The following STAT2 variants were observed in gnomAD, a reference collection of about 807,000 sequenced individuals.
The protein encoded by STAT2 is signal transducer and activator of transcription 2, also known as interferon alpha induced transcriptional activator.
STAT2 carries 51 observed loss-of-function variants against 122.3 expected under a neutral mutation model. The ratio of observed to expected loss-of-function variants is 0.42; its 90% CI spans 0.33 to 0.53. The LOEUF is 0.53. STAT2 is among the 20% of genes least tolerant of loss of function. The pLI is 0.10. For synonymous variants in STAT2, 351 were observed against 394.9 expected, an observed-to-expected ratio of 0.89 and a Z score of 1.32; for missense variants, 736 against 1,010.3, an observed-to-expected ratio of 0.73 and a Z score of 3.68.
At chr12:56,355,173 T>A in intron 6 of STAT2, 103 bp downstream of exon 6, 1 of 1,352,870 alleles carries the variant, frequency 7.4e-7, no homozygotes, top group Non-Finnish European at 1.0e-6. Flanking sequence ...GTGGGGTGTG[T>A]CTGACAGTGA....
rs576697003 is a variant in STAT2, at chr12:56,345,720, C to T, written c.2102+426G>A. ...CCTGTATTGCTTGAGCTCAGGAGGT[C>T]GAGGCTGCAGTGAGCCAGGATCACA... On this transcript the variant is annotated intron_variant, in intron 22 of 23. Transcript: ENST00000314128. Among the ~76,000 whole-genome samples, 18 of 147,006 alleles carry T rather than the reference C, an allele frequency of 1.2e-4. No homozygotes were observed. The South Asian group carries it at 3.2e-3, about 26-fold the overall frequency.
chr12:56,348,465 CAG>C (rs1565650925), intron 19 of STAT2, 62 bp downstream of exon 19: 13 of 1,535,328 alleles, frequency 8.5e-6, no homozygotes, highest in Non-Finnish European at 1.2e-5. Flanking sequence ...CGTGAGGGTG[CAG>C]AGACTCCACT....
intron 21 of STAT2, 62 bp from the exon 22 acceptor site, chr12:56,346,265 C>T: frequency 6.2e-7 from 1 of 1,601,484 alleles, no homozygotes; most frequent in Non-Finnish European, 8.6e-7. Context: ...GCCTGAGGTT[C>T]CCCTAGTGCA....
At chr12:56,353,540 C>T (rs1270447632) in intron 8 of STAT2, among the ~76,000 whole-genome samples, 1 of 152,020 alleles carries the variant, frequency 6.6e-6, no homozygotes, top group Admixed American at 6.6e-5. Context: ...GATTTTTCTA[C>T]AACACAATAT....
chr12:56,346,665 G>C, intron 20 of STAT2, 41 bp from the exon 21 acceptor site: 1 of 1,610,600 alleles, frequency 6.2e-7, no homozygotes, highest in Admixed American at 1.7e-5. Flanking sequence ...TGAGGGAAGA[G>C]GCCGGGCCTT....
chr12:56,341,933 A>G lies in STAT2; in HGVS notation c.*1456T>C, dbSNP rs1345542055. 1 of 152,234 alleles carries G rather than the reference A, an allele frequency of 6.6e-6. No homozygotes were observed. Among genetic ancestry groups the G allele is most frequent in the East Asian group, 1.9e-4 (1 of 5,196 alleles). The allele number at this position is 152,234 out of a possible 1,614,324, so 9.4% of individuals were successfully genotyped here. The stretch of plus-strand genomic sequence containing the variant: ...TGTACAAAAAAGGGAGGATGATAAC[A>G]TAATAGAGAAAGAGCTAAGACCCAT... On this transcript the variant is annotated 3_prime_UTR_variant, in exon 24 of 24. Transcript: ENST00000314128.
Position 56,358,587 on chromosome 12 carries a change from G to C in STAT2, c.-8+1471C>G, listed in dbSNP as rs1251549699. 2.6e-5 allele frequency among the ~76,000 whole-genome samples: 4 copies of C among 152,252 alleles called. No individual in the cohort carries two copies. The South Asian group carries it at 6.2e-4, about 24-fold the overall frequency. On this transcript the variant is annotated intron_variant, in intron 1 of 23. Transcript: ENST00000314128. ...GGAGCCAAATCTTTTTGGTGGTCAG[G>C]TAAGTACACCATATAAACTGCCCTC...
chr12:56,356,845 T>C (rs1209305697), intron 1 of STAT2, among the ~76,000 whole-genome samples: 1 of 152,058 alleles, frequency 6.6e-6, no homozygotes, highest in Non-Finnish European at 1.5e-5. Flanking sequence ...ATTTTGGATT[T>C]CAGATTTGTC....
At chr12:56,357,026 A>ATT (rs34402362) in intron 1 of STAT2, among the ~76,000 whole-genome samples, 19 of 66,384 alleles carry the variant, frequency 2.9e-4, no homozygotes, top group South Asian at 7.9e-4. Flanking sequence ...CCTAATCTGT[A>ATT]TTTTTTTTTT....
intron 22 of STAT2, among the ~76,000 whole-genome samples, chr12:56,345,524 A>AAAAAATATATATATATATAT (rs1555169410): frequency 3.8e-5 from 1 of 26,246 alleles, no homozygotes; most frequent in Non-Finnish European, 5.4e-5. Flanking sequence ...AAAAAAAAAA[A>AAAAAATATATATATATATAT]ATATATATAT....
intron 4 of STAT2, 31 bp from the exon 5 acceptor site, chr12:56,355,563 C>T: frequency 6.2e-7 from 1 of 1,613,426 alleles, no homozygotes. Context: ...CACGTTTTAA[C>T]TCTGGCCTTT....
Position 56,349,040 on chromosome 12 carries a change from T to C in STAT2, c.1460A>G (p.Asn487Ser), listed in dbSNP as rs1468678981. ...CAAGCTCCAGGGGGCCTTGGGGGGGTTGGAGAAGAACTGCTGGTTCTGCAG... is the reference window on the plus strand; with the variant it reads ...CAAGCTCCAGGGGGCCTTGGGGGGGCTGGAGAAGAACTGCTGGTTCTGCAG... ...PNLQNQQFFS[N>S]PPKAPWSLLG... The change falls in exon 17 of 24, where the codon AAC becomes AGC. Residue 487 changes from asparagine to serine, a missense_variant. By Grantham distance (46) the Asn-to-Ser change is conservative (BLOSUM62 1). Coordinates refer to ENST00000314128, the MANE Select transcript of STAT2 (RefSeq NM_005419.4). The C allele has an allele frequency of 5.0e-6, 8 of 1,612,694 alleles. No individual in the cohort carries two copies. The highest frequency in any genetic ancestry group is 2.2e-5 in the East Asian group (1 of 44,860).
chr12:56,349,108 C>CCAAG, intron 16 of STAT2, 49 bp from the exon 17 acceptor site: 2 of 1,613,868 alleles, frequency 1.2e-6, no homozygotes, highest in South Asian at 2.2e-5. Flanking sequence ...ACCTATCACA[C>CCAAG]CAAGCTTCCA....
Position 56,351,456 on chromosome 12 carries a change from T to A in STAT2, c.783-6A>T. On this transcript the variant is annotated splice_polypyrimidine_tract_variant and splice_region_variant and intron_variant, in intron 8 of 23. Transcript: ENST00000314128. ...GCTTTGCTCCAGCTGTGAACCTGGG[T>A]GATAAAATTCAGGAAGAAGGAATCC... 1 of 1,610,758 alleles carries A rather than the reference T, an allele frequency of 6.2e-7. No individual in the cohort carries two copies. Among genetic ancestry groups the A allele is most frequent in the Non-Finnish European group, 8.5e-7 (1 of 1,178,868 alleles).
intron 1 of STAT2, among the ~76,000 whole-genome samples, chr12:56,359,828 T>A (rs1880103660): frequency 6.6e-6 from 1 of 152,320 alleles, no homozygotes; most frequent in Middle Eastern, 3.4e-3. Flanking sequence ...CAATGCCAGA[T>A]TCCGGGTCTC....
rs1879498369 is a variant in STAT2 at position 56,356,282 on chromosome 12, C to A, written c.135G>T (p.Gln45His). The A allele has an allele frequency of 2.5e-6, 4 of 1,611,152 alleles. No individual in the cohort carries two copies. The highest frequency in any genetic ancestry group is 1.6e-4 in the Middle Eastern group (1 of 6,062). Residue 45 changes from glutamine to histidine, a missense_variant, in exon 3 of 24, where the codon CAG becomes CAT. Transcript: ENST00000314128. ...LAVWIEDQNW[Q>H]EAALGSDDSK... The stretch of plus-strand genomic sequence containing the variant: ...AATCATCACTCCCAAGTGCAGCTTC[C>A]TGCCTGGGCACCAGGAATAAGAAGT...
chr12:56,349,508 C>T lies in STAT2; in HGVS notation c.1259G>A (p.Gly420Glu). The T allele has an allele frequency of 6.2e-7, 1 of 1,614,166 alleles. No homozygotes were observed. The highest frequency in any genetic ancestry group is 8.5e-7 in the Non-Finnish European group (1 of 1,180,030). ...CAGTTCCTCTGTCACACCTAGTGGC[C>T]CCTGGGACAGCCAAAGACATAGTCA... Reference protein sequence around the residue: ...SGGSGKGSNKGPLGVTEELHI... With the variant: ...SGGSGKGSNKEPLGVTEELHI... Residue 420 changes from glycine (G) to glutamate (E), a missense_variant and splice_region_variant, in exon 15 of 24, where the codon GGG (glycine) becomes GAG (glutamate). By Grantham distance (98) the Gly-to-Glu change is moderately conservative. Coordinates refer to ENST00000314128, the MANE Select transcript of STAT2 (RefSeq NM_005419.4).
intron 20 of STAT2, 37 bp downstream of exon 20, chr12:56,346,782 G>C (rs765976236): frequency 6.2e-7 from 1 of 1,613,384 alleles, no homozygotes; most frequent in Non-Finnish European, 8.5e-7. Flanking sequence ...CAGGCAGAAA[G>C]GAGAGGCTGT....
Position 56,349,228 on chromosome 12 carries a change from T to C in STAT2, c.1375A>G (p.Met459Val). The change falls in exon 16 of 24, where the codon ATG (methionine) becomes GTG (valine). Residue 459 changes from methionine to valine, a missense_variant. Physicochemically the swap from Met to Val is conservative, Grantham distance 21. Coordinates refer to ENST00000314128, the MANE Select transcript of STAT2 (RefSeq NM_005419.4). Reference sequence around the variant, plus strand: ...GCCCAGGCAATTGAGAGCTGGTTCATGTTGGAAATAATCACCACAGGGAGG... The same window carrying C: ...GCCCAGGCAATTGAGAGCTGGTTCACGTTGGAAATAATCACCACAGGGAGG... ...DTLPVVIISN[M>V]NQLSIAWASV... 1.2e-6 allele frequency: 2 copies of C among 1,614,174 alleles called. No individual in the cohort carries two copies. The highest frequency in any genetic ancestry group is 1.7e-6 in the Non-Finnish European group (2 of 1,180,032).
Sources: gnomAD v4.1 joint callset for allele counts (sites outside exome capture counted in the v4.1 genomes callset) on GRCh38, gnomAD v4.1.1 for gene constraint, MANE v1.5 for transcripts, NCBI Gene and HGNC (gene_info 2026-07-23, HGNC 2026-07-21) for gene names.